The following CALN1 variants were observed in gnomAD, a reference collection of about 807,000 sequenced individuals.
The protein encoded by CALN1 is calcium-binding protein 8.
In CALN1, 17 loss-of-function variants were observed where a neutral mutation model predicts 30.6. The ratio of observed to expected loss-of-function variants is 0.56; its 90% CI spans 0.38 to 0.83. The LOEUF (loss-of-function observed/expected upper bound fraction) is 0.83, where lower values mean the gene tolerates loss of function less well. Among genes scored for constraint, CALN1 ranks in the 40% least tolerant of loss-of-function variants. The probability of loss-of-function intolerance (pLI) is 0.00; values close to 1 mark genes in which losing one functional copy is unlikely to be tolerated. For missense variants in CALN1, 291 were observed against 354.9 expected, an observed-to-expected ratio of 0.82 and a Z score of 1.45; for synonymous variants, 156 against 131.4, an observed-to-expected ratio of 1.19 and a Z score of -1.28.
intron 5 of CALN1, among the ~76,000 whole-genome samples, chr7:71,921,961 T>C (rs1323682456): frequency 6.6e-6 from 1 of 152,182 alleles, no homozygotes; most frequent in Non-Finnish European, 1.5e-5. Flanking sequence ...TAGCCTCCTG[T>C]GCACACATTT....
At chr7:72,283,436 G>A (rs1206964354) in intron 2 of CALN1, among the ~76,000 whole-genome samples, 3 of 150,364 alleles carry the variant, frequency 2.0e-5, no homozygotes, top group African/African-American at 7.6e-5. Context: ...TCCGGAGGCT[G>A]AAGTGAGAGG....
chr7:72,462,178 G>GTATGTATGTATT, the CALN1 span, among the ~76,000 whole-genome samples: 13 of 150,300 alleles, frequency 8.6e-5, no homozygotes, highest in African/African-American at 2.7e-4. Context: ...ATGTATGTAT[G>GTATGTATGTATT]TATTTATTTA....
At chr7:71,846,260 C>T (rs1790228820) in intron 5 of CALN1, among the ~76,000 whole-genome samples, 1 of 152,076 alleles carries the variant, frequency 6.6e-6, no homozygotes, top group Non-Finnish European at 1.5e-5. Context: ...AGCTGAAACC[C>T]CTTAAGTGAT....
In CALN1 at chr7:71,816,272, A is replaced by G. The variant is rs550350725; in HGVS notation, c.502-5780T>C. Among the ~76,000 whole-genome samples, 186 of 152,276 alleles carry G rather than the reference A, an allele frequency of 1.2e-3. 2 individuals carry two copies. Among genetic ancestry groups the G allele is most frequent in the Non-Finnish European group, 2.0e-3 (138 of 68,024 alleles). On this transcript the variant is annotated intron_variant, in intron 5 of 6. Coordinates refer to ENST00000395275, the MANE Select transcript of CALN1 (RefSeq NM_031468.4). Reference sequence around the variant, plus strand: ...AGAGCAACTGAAGGGGAGGTGTAAAACAAACTTGTTTTCTGCATTAGAGTT... The same window carrying G: ...AGAGCAACTGAAGGGGAGGTGTAAAGCAAACTTGTTTTCTGCATTAGAGTT...
chr7:72,405,119 T>C (rs796350513), intron 1 of CALN1, among the ~76,000 whole-genome samples: 9 of 152,286 alleles, frequency 5.9e-5, no homozygotes, highest in African/African-American at 1.9e-4. Flanking sequence ...AATGATGAGA[T>C]ACGACAGGAA....
At position 72,129,798 on chromosome 7, in the gene CALN1, G is replaced by A. The variant is rs1809014261; in HGVS notation, c.245-23504C>T. Among the ~76,000 whole-genome samples, 4 of 152,232 alleles carry A rather than the reference G, an allele frequency of 2.6e-5. 1 individual carries two copies. The South Asian group carries it at 8.3e-4, about 32-fold the overall frequency. ...AACTCAAATAGCCATTAATAGAAAA[G>A]TTAAATAAACTATGATACACCCAAA... On this transcript the variant is annotated intron_variant, in intron 3 of 6. Coordinates refer to ENST00000395275, the MANE Select transcript of CALN1 (RefSeq NM_031468.4).
intron 3 of CALN1, among the ~76,000 whole-genome samples, chr7:72,135,610 G>C (rs1307329351): frequency 1.3e-5 from 2 of 152,194 alleles, no homozygotes; most frequent in African/African-American, 2.4e-5. Flanking sequence ...CAGATGTGCT[G>C]TCATCCAGGC....
chr7:72,381,561 T>C lies in CALN1; in HGVS notation c.119+21690A>G, dbSNP rs139611269. On this transcript the variant is annotated intron_variant, in intron 2 of 6. Transcript: ENST00000395275. ...TATGAGTCCTTCGCAGGGGCATAGTTGAGCTGGAAGCCATCATTTTCAGCA... is the reference window on the plus strand; with the variant it reads ...TATGAGTCCTTCGCAGGGGCATAGTCGAGCTGGAAGCCATCATTTTCAGCA... Among the ~76,000 whole-genome samples, 546 of 152,272 alleles carry C rather than the reference T, an allele frequency of 3.6e-3. 4 individuals are homozygous for C. Among genetic ancestry groups the C allele is most frequent in the Middle Eastern group, 0.017 (5 of 294 alleles).
chr7:72,111,753 C>CT lies in CALN1; in HGVS notation c.245-5460dup, dbSNP rs34426806. 3.9e-3 allele frequency among the ~76,000 whole-genome samples: 564 copies of CT among 145,116 alleles called. 5 individuals are homozygous for CT. Among genetic ancestry groups the CT allele is most frequent in the East Asian group, 0.014 (69 of 4,884 alleles). The stretch of plus-strand genomic sequence containing the variant: ...ATGAGCTGGTAACTCTTTTTTCTTT[C>CT]TTTTTTTTTTTGTTGGAGATGGCGT... On this transcript the variant is annotated intron_variant, in intron 3 of 6. Transcript: ENST00000395275.
intron 2 of CALN1, among the ~76,000 whole-genome samples, chr7:72,395,353 G>A (rs964757063): frequency 1.1e-3 from 71 of 66,644 alleles, no homozygotes; most frequent in Non-Finnish European, 1.5e-3. Flanking sequence ...CGCTGCGCAC[G>A]CGCGCGCACA....
intron 2 of CALN1, among the ~76,000 whole-genome samples, chr7:72,366,804 G>C (rs1191086161): frequency 2.0e-5 from 3 of 146,838 alleles, no homozygotes; most frequent in Non-Finnish European, 4.5e-5. Context: ...TGACCTGGCA[G>C]TTTCTTTCTC....
chr7:72,258,146 GCA>G (rs1442495221), intron 3 of CALN1, among the ~76,000 whole-genome samples: 1 of 152,068 alleles, frequency 6.6e-6, no homozygotes, highest in Non-Finnish European at 1.5e-5. Flanking sequence ...TTGCCTAAGA[GCA>G]CAGAGATATA....
chr7:72,233,137 C>T (rs1354340213), intron 3 of CALN1, among the ~76,000 whole-genome samples: 1 of 149,460 alleles, frequency 6.7e-6, no homozygotes, highest in African/African-American at 2.5e-5. Flanking sequence ...GACTGTTTTT[C>T]GTCACTATTT....
intron 4 of CALN1, among the ~76,000 whole-genome samples, chr7:72,029,515 T>G (rs1172323884): frequency 6.6e-6 from 1 of 152,160 alleles, no homozygotes; most frequent in African/African-American, 2.4e-5. Flanking sequence ...CACTTCTTGG[T>G]GGGCTTCCAG....
chr7:72,260,857 C>G (rs1332348237), intron 3 of CALN1, among the ~76,000 whole-genome samples: 3 of 152,236 alleles, frequency 2.0e-5, no homozygotes, highest in African/African-American at 7.2e-5. Flanking sequence ...GGTACCAGAC[C>G]AAATTTTATG....
intron 5 of CALN1, among the ~76,000 whole-genome samples, chr7:72,006,350 G>A (rs1351195070): frequency 6.6e-6 from 1 of 152,034 alleles, no homozygotes; most frequent in Non-Finnish European, 1.5e-5. Flanking sequence ...ATTTAATTTA[G>A]GAGATAAAAT....
chr7:72,113,159 G>A (rs1291626083), intron 3 of CALN1, among the ~76,000 whole-genome samples: 2 of 152,158 alleles, frequency 1.3e-5, no homozygotes, highest in Non-Finnish European at 2.9e-5. Flanking sequence ...AGCCTAATGG[G>A]AGGCCTATGA....
chr7:72,402,613 T>C (rs974422419), intron 2 of CALN1, among the ~76,000 whole-genome samples: 2 of 152,152 alleles, frequency 1.3e-5, no homozygotes, highest in African/African-American at 4.8e-5. Flanking sequence ...TGTATAGCCA[T>C]GAGGGTCTCC....
At chr7:72,316,298 T>C (rs900845516) in intron 2 of CALN1, among the ~76,000 whole-genome samples, 1 of 151,854 alleles carries the variant, frequency 6.6e-6, no homozygotes, top group African/African-American at 2.4e-5. Flanking sequence ...TGGGAGAATA[T>C]GTAATATTAG....
Sources: gnomAD v4.1 joint callset for allele counts (sites outside exome capture counted in the v4.1 genomes callset) on GRCh38, gnomAD v4.1.1 for gene constraint, MANE v1.5 for transcripts, NCBI Gene and HGNC (gene_info 2026-07-23, HGNC 2026-07-21) for gene names.